LIN7A: variants seen among roughly 807,000 people sequenced by gnomAD.
The protein encoded by LIN7A is protein lin-7 homolog A.
LIN7A carries 25 observed loss-of-function variants against 29.8 expected under a neutral mutation model. That is an observed-to-expected ratio of 0.84 (90% CI 0.61 to 1.17). The LOEUF is 1.17. Ranked by LOEUF, LIN7A falls within the 50% of genes most tolerant of loss-of-function variation. The pLI, the probability that LIN7A is intolerant of heterozygous loss-of-function variation, is 0.00. For missense variants in LIN7A, 239 were observed against 287.0 expected (o/e 0.83, Z 1.21); for synonymous variants, 118 against 107.5 (o/e 1.10, Z -0.60).
intron 2 of LIN7A, among the ~76,000 whole-genome samples, chr12:80,888,070 A>G (rs1875425063): frequency 1.3e-5 from 2 of 152,118 alleles, no homozygotes; most frequent in Non-Finnish European, 2.9e-5. Context: ...AATGCCAAAG[A>G]ATCCGTATGC....
In LIN7A at chr12:80,815,832, T is replaced by A. The variant is rs188811413; in HGVS notation, c.484-4149A>T. On this transcript the variant is annotated intron_variant, in intron 4 of 5. Transcript: ENST00000552864. ...AAATTAATTTAACAAGGCCTTGCAATGGACGTCTGGTAAAATTGGATTTTA... is the reference window on the plus strand; with the variant it reads ...AAATTAATTTAACAAGGCCTTGCAAAGGACGTCTGGTAAAATTGGATTTTA... Among the ~76,000 whole-genome samples, 21 of 152,292 alleles carry A rather than the reference T, an allele frequency of 1.4e-4. No individual in the cohort carries two copies. In the East Asian group the frequency reaches 3.3e-3, roughly 24 times the overall value.
At chr12:80,848,056 A>T in intron 3 of LIN7A, 195 bp downstream of exon 3, 2 of 678,906 alleles carry the variant, frequency 2.9e-6, no homozygotes. Context: ...TTCTTAAGCT[A>T]CAGAAGCAGC....
At chr12:80,807,080 T>TTTTTTTG (rs1565883878) in intron 5 of LIN7A, among the ~76,000 whole-genome samples, 7 of 134,732 alleles carry the variant, frequency 5.2e-5, no homozygotes, top group East Asian at 2.2e-4. Context: ...TTTTTTTTTT[T>TTTTTTTG]TTTTTTTTTT....
At chr12:80,842,228 A>C in intron 4 of LIN7A, 1 of 783,082 alleles carries the variant, frequency 1.3e-6, no homozygotes, top group Non-Finnish European at 1.8e-6. Context: ...CTAACATTCC[A>C]TGTTAATAGT....
chr12:80,863,362 C>G (rs1157247901), intron 2 of LIN7A, among the ~76,000 whole-genome samples: 1 of 152,140 alleles, frequency 6.6e-6, no homozygotes, highest in Non-Finnish European at 1.5e-5. Context: ...GAGGTAGAGT[C>G]TAAATCAAGT....
intron 1 of LIN7A, among the ~76,000 whole-genome samples, chr12:80,916,283 T>G (rs1324347187): frequency 6.6e-6 from 1 of 152,202 alleles, no homozygotes; most frequent in African/African-American, 2.4e-5. Context: ...TGGCTTAGTA[T>G]TTTAGAGTAA....
chr12:80,850,172 T>G (rs1488721715), intron 2 of LIN7A, among the ~76,000 whole-genome samples: 1 of 152,150 alleles, frequency 6.6e-6, no homozygotes, highest in African/African-American at 2.4e-5. Context: ...TACTGTGTAG[T>G]AGATAATTTC....
chr12:80,854,386 G>A (rs1873486511), intron 2 of LIN7A, among the ~76,000 whole-genome samples: 1 of 146,910 alleles, frequency 6.8e-6, no homozygotes, highest in African/African-American at 2.5e-5. Flanking sequence ...ACAAGACTTG[G>A]CAGCATAGTG....
chr12:80,915,309 A>G (rs1470762964), intron 1 of LIN7A, among the ~76,000 whole-genome samples: 1 of 152,208 alleles, frequency 6.6e-6, no homozygotes, highest in East Asian at 1.9e-4. Context: ...AATCAAAACT[A>G]CAATGAGATA....
chr12:80,838,990 GT>G (rs1872696224), intron 4 of LIN7A, among the ~76,000 whole-genome samples: 1 of 152,224 alleles, frequency 6.6e-6, no homozygotes, highest in African/African-American at 2.4e-5. Flanking sequence ...CACATCTGCA[GT>G]GGTGAATTAG....
intron 1 of LIN7A, among the ~76,000 whole-genome samples, chr12:80,928,468 C>T (rs562828119): frequency 1.8e-4 from 28 of 151,946 alleles, no homozygotes; most frequent in Admixed American, 9.2e-4. Flanking sequence ...ATGACATTCA[C>T]GTGTCTGTTG....
At chr12:80,860,145 G>A (rs986507279) in intron 2 of LIN7A, among the ~76,000 whole-genome samples, 3 of 152,128 alleles carry the variant, frequency 2.0e-5, no homozygotes, top group Non-Finnish European at 4.4e-5. Flanking sequence ...ATTCATTGAA[G>A]TAGATTACTG....
intron 3 of LIN7A, chr12:80,847,956 T>C (rs970442927): frequency 2.2e-6 from 1 of 451,766 alleles, no homozygotes; most frequent in African/African-American, 2.0e-5. Flanking sequence ...GAAGAATGTG[T>C]CTGAAAATCA....
At chr12:80,843,848 C>T (rs896207341) in intron 4 of LIN7A, among the ~76,000 whole-genome samples, 1 of 152,042 alleles carries the variant, frequency 6.6e-6, no homozygotes, top group African/African-American at 2.4e-5. Context: ...TATATCAAAA[C>T]ATCATTGCAA....
chr12:80,886,493 A>G (rs1203975412), intron 2 of LIN7A, among the ~76,000 whole-genome samples: 1 of 72,300 alleles, frequency 1.4e-5, no homozygotes, highest in Non-Finnish European at 6.1e-5. Flanking sequence ...AGAATAATAA[A>G]GAAATTCCAA....
At chr12:80,929,763 T>C (rs1286894630) in intron 1 of LIN7A, among the ~76,000 whole-genome samples, 1 of 152,138 alleles carries the variant, frequency 6.6e-6, no homozygotes, top group Non-Finnish European at 1.5e-5. Context: ...TTAAAATATA[T>C]ATATGGGCCA....
chr12:80,921,984 G>C (rs1439284003), intron 1 of LIN7A, among the ~76,000 whole-genome samples: 1 of 152,120 alleles, frequency 6.6e-6, no homozygotes, highest in Non-Finnish European at 1.5e-5. Flanking sequence ...TCAGTAATGT[G>C]CATTAAATTC....
chr12:80,828,582 C>CA (rs1296787711), intron 4 of LIN7A, among the ~76,000 whole-genome samples: 1 of 152,024 alleles, frequency 6.6e-6, no homozygotes, highest in East Asian at 1.9e-4. Flanking sequence ...TTAAATGTAG[C>CA]AAAATAGTGA....
chr12:80,877,868 GAAAAA>G (rs1169752162), intron 2 of LIN7A, among the ~76,000 whole-genome samples: 1 of 129,744 alleles, frequency 7.7e-6, no homozygotes, highest in African/African-American at 2.8e-5. Context: ...GCACTGGGAA[GAAAAA>G]AAAAAAAAAC....
Sources: gnomAD v4.1 joint callset for allele counts (sites outside exome capture counted in the v4.1 genomes callset) on GRCh38, gnomAD v4.1.1 for gene constraint, MANE v1.5 for transcripts, NCBI Gene and HGNC (gene_info 2026-07-23, HGNC 2026-07-21) for gene names.